The following NCK1 variants were observed in gnomAD, a reference collection of about 807,000 sequenced individuals.
NCK1 encodes SH2/SH3 adapter protein NCK1.
Under a neutral mutation model 36.6 loss-of-function variants are expected in NCK1, and 19 were observed. The observed-to-expected ratio is 0.52, with a 90% CI of 0.36 to 0.76. The LOEUF (loss-of-function observed/expected upper bound fraction) is 0.76, where lower values mean the gene tolerates loss of function less well. Ranked by LOEUF, NCK1 falls within the 30% of genes least tolerant of loss-of-function variation. NCK1 has a pLI of 0.00. For synonymous variants in NCK1, 165 were observed against 156.0 expected (o/e 1.06, Z -0.43); for missense variants, 358 against 445.6 (o/e 0.80, Z 1.77).
At chr3:136,925,504 C>G (rs1301942907) in intron 1 of NCK1, among the ~76,000 whole-genome samples, 2 of 152,262 alleles carry the variant, frequency 1.3e-5, no homozygotes, top group Non-Finnish European at 2.9e-5. Context: ...CTTTTATAGT[C>G]ATACTTACTT....
At position 136,940,275 on chromosome 3, in the gene NCK1, A is replaced by G. The variant is rs377070617; in HGVS notation, c.227-5308A>G. ...TTTTGTTTGATGGGATATTCTCTAT[A>G]TGTCTATTAGGTCTAGTTGGTTTAT... On this transcript the variant is annotated intron_variant, in intron 2 of 3. Transcript: ENST00000481752. Among the ~76,000 whole-genome samples, 10 of 152,236 alleles carry G rather than the reference A, an allele frequency of 6.6e-5. No homozygotes were observed. The East Asian group carries it at 1.7e-3, about 27-fold the overall frequency.
At chr3:136,892,423 G>A (rs1939270935) in intron 1 of NCK1, among the ~76,000 whole-genome samples, 2 of 152,192 alleles carry the variant, frequency 1.3e-5, no homozygotes, top group Admixed American at 6.5e-5. Context: ...GATTATCTGA[G>A]TGGGCTCTGG....
At chr3:136,865,002 A>G (rs1938372749) in intron 1 of NCK1, among the ~76,000 whole-genome samples, 1 of 150,350 alleles carries the variant, frequency 6.7e-6, no homozygotes, top group South Asian at 2.1e-4. Context: ...TCTGTTGCCC[A>G]GGCTGGAGTG....
intron 1 of NCK1, among the ~76,000 whole-genome samples, chr3:136,866,899 C>A (rs1938429693): frequency 1.3e-5 from 2 of 151,772 alleles, no homozygotes; most frequent in Admixed American, 1.3e-4. Flanking sequence ...AGGCGTGAGC[C>A]ACTGTGCCCG....
At chr3:136,867,153 C>CG (rs1938464066) in intron 1 of NCK1, among the ~76,000 whole-genome samples, 1 of 56,588 alleles carries the variant, frequency 1.8e-5, no homozygotes, top group African/African-American at 6.0e-5. Context: ...TCCTTCCTTC[C>CG]TTCCTTCCTT....
At chr3:136,904,031 G>A (rs1939616116) in intron 1 of NCK1, among the ~76,000 whole-genome samples, 1 of 152,070 alleles carries the variant, frequency 6.6e-6, no homozygotes, top group South Asian at 2.1e-4. Flanking sequence ...GGCCAGTCTA[G>A]TGGTGATATA....
At chr3:136,926,678 T>G (rs530676315) in intron 1 of NCK1, among the ~76,000 whole-genome samples, 55 of 152,350 alleles carry the variant, frequency 3.6e-4, no homozygotes, top group African/African-American at 1.3e-3. Context: ...TTAAAATTAT[T>G]TACTTCTAAG....
At chr3:136,922,919 A>G (rs986887676) in intron 1 of NCK1, among the ~76,000 whole-genome samples, 3 of 152,180 alleles carry the variant, frequency 2.0e-5, no homozygotes, top group Non-Finnish European at 2.9e-5. Context: ...CAAACAACCC[A>G]TTGACCATCA....
intron 2 of NCK1, chr3:136,930,440 G>A: frequency 8.1e-7 from 1 of 1,238,072 alleles, no homozygotes; most frequent in Non-Finnish European, 1.0e-6. Flanking sequence ...GCCTGGGTGT[G>A]GGCCAGGTCA....
Position 136,949,352 on chromosome 3 carries a change from C to T in NCK1, c.*899C>T, listed in dbSNP as rs934330107. 6.6e-6 allele frequency: 1 copy of T among 151,874 alleles called. No homozygotes were observed. Among genetic ancestry groups the T allele is most frequent in the Admixed American group, 6.6e-5 (1 of 15,252 alleles). 9.4% of individuals were successfully genotyped at this position (151,874 alleles called of 1,614,324 possible). ...GAAGCAGTGAGATACTTGTTTTTTTCTCCTCACTAAATATCAGTAATTGTC... is the reference window on the plus strand; with the variant it reads ...GAAGCAGTGAGATACTTGTTTTTTTTTCCTCACTAAATATCAGTAATTGTC... On this transcript the variant is annotated 3_prime_UTR_variant, in exon 4 of 4. Coordinates refer to ENST00000481752, the MANE Select transcript of NCK1 (RefSeq NM_001291999.2).
At chr3:136,868,802 A>G (rs1255266598) in intron 1 of NCK1, among the ~76,000 whole-genome samples, 1 of 152,210 alleles carries the variant, frequency 6.6e-6, no homozygotes, top group African/African-American at 2.4e-5. Flanking sequence ...GGCTTATCAT[A>G]TAACTAAATG....
intron 1 of NCK1, among the ~76,000 whole-genome samples, chr3:136,894,953 G>A (rs1016107310): frequency 6.6e-6 from 1 of 151,950 alleles, no homozygotes; most frequent in Non-Finnish European, 1.5e-5. Context: ...TCGGCTCACT[G>A]CAACCTCCAC....
intron 1 of NCK1, 73 bp from the exon 2 acceptor site, chr3:136,927,911 G>T (rs1351114071): frequency 9.6e-7 from 1 of 1,046,602 alleles, no homozygotes; most frequent in Non-Finnish European, 1.4e-6. Context: ...ATTTTTAGGT[G>T]TGTCTCTTTT....
intron 2 of NCK1, among the ~76,000 whole-genome samples, chr3:136,940,328 AATG>A (rs1444426048): frequency 2.0e-5 from 3 of 152,140 alleles, no homozygotes; most frequent in African/African-American, 7.2e-5. Flanking sequence ...CTATTTCCTT[AATG>A]ATTTTTCATT....
intron 1 of NCK1, chr3:136,899,372 G>A (rs7645773): frequency 0.69 from 167,298 of 243,230 alleles, 58,364 homozygotes; most frequent in East Asian, 0.86. Context: ...TTGGATTTAG[G>A]TTCCTTCTCT....
At chr3:136,916,923 G>T (rs1340498102) in intron 1 of NCK1, among the ~76,000 whole-genome samples, 1 of 152,186 alleles carries the variant, frequency 6.6e-6, no homozygotes, top group African/African-American at 2.4e-5. Flanking sequence ...CAACCCAAGT[G>T]TGTGGCTAGG....
chr3:136,923,660 A>G (rs563558714), intron 1 of NCK1, among the ~76,000 whole-genome samples: 67 of 152,222 alleles, frequency 4.4e-4, no homozygotes, highest in Non-Finnish European at 8.5e-4. Context: ...AGACCTCTCT[A>G]AATGTTTTAA....
At chr3:136,899,744 AT>A in intron 1 of NCK1, 1 of 1,050,486 alleles carries the variant, frequency 9.5e-7, no homozygotes, top group Non-Finnish European at 1.5e-6. Flanking sequence ...TACTATTGCC[AT>A]GTTTTTCAAC....
intron 1 of NCK1, among the ~76,000 whole-genome samples, chr3:136,902,222 G>A (rs1939564255): frequency 7.6e-6 from 1 of 130,784 alleles, no homozygotes; most frequent in African/African-American, 2.8e-5. Flanking sequence ...TTTTGAGACA[G>A]AGTTTTGCTT....
Sources: gnomAD v4.1 joint callset for allele counts (sites outside exome capture counted in the v4.1 genomes callset) on GRCh38, gnomAD v4.1.1 for gene constraint, MANE v1.5 for transcripts, NCBI Gene and HGNC (gene_info 2026-07-23, HGNC 2026-07-21) for gene names.